The following DGKB variants were observed in gnomAD, a reference collection of about 807,000 sequenced individuals.
The protein encoded by DGKB is 90 kDa diacylglycerol kinase.
DGKB carries 67 observed loss-of-function variants against 114.3 expected under a neutral mutation model. The ratio of observed to expected loss-of-function variants is 0.59; its 90% CI spans 0.48 to 0.72. DGKB has a LOEUF of 0.72. Ranked by LOEUF, DGKB falls within the 30% of genes least tolerant of loss-of-function variation. The probability of loss-of-function intolerance (pLI) is 0.00; values close to 1 mark genes in which losing one functional copy is unlikely to be tolerated. For missense variants in DGKB, 907 were observed against 975.2 expected (o/e 0.93, Z 0.93); for synonymous variants, 398 against 323.1 (o/e 1.23, Z -2.49).
At chr7:14,235,049 T>C (rs1433827581) in intron 23 of DGKB, among the ~76,000 whole-genome samples, 1 of 152,056 alleles carries the variant, frequency 6.6e-6, no homozygotes, top group African/African-American at 2.4e-5. Context: ...TCTCTTCTTC[T>C]CCCTCTCAGA....
intron 23 of DGKB, among the ~76,000 whole-genome samples, chr7:14,255,817 C>T (rs902935203): frequency 6.6e-6 from 1 of 151,784 alleles, no homozygotes; most frequent in African/African-American, 2.4e-5. Flanking sequence ...ACTTTCTCAC[C>T]TTCCATTTCA....
At chr7:14,798,003 G>A (rs572301241) in intron 2 of DGKB, among the ~76,000 whole-genome samples, 9 of 152,282 alleles carry the variant, frequency 5.9e-5, no homozygotes, top group African/African-American at 1.7e-4. Flanking sequence ...GAGGGGACCC[G>A]AAATCAGGTT....
At position 14,596,504 on chromosome 7, in the gene DGKB, A is replaced by G. The variant is rs535440127; in HGVS notation, c.1433+10930T>C. Among the ~76,000 whole-genome samples, 3 of 152,268 alleles carry G rather than the reference A, an allele frequency of 2.0e-5. No individual in the cohort carries two copies. The South Asian group carries it at 6.2e-4, about 32-fold the overall frequency. The stretch of plus-strand genomic sequence containing the variant: ...CACTGAGCAATGGGGATATGCCTGG[A>G]AGTCATTTTTACACCAGGAGAACTA... On this transcript the variant is annotated intron_variant, in intron 17 of 25. Coordinates refer to ENST00000402815, the MANE Select transcript of DGKB (RefSeq NM_001350709.2).
chr7:14,406,578 C>G (rs1271665808), intron 21 of DGKB, among the ~76,000 whole-genome samples: 1 of 151,908 alleles, frequency 6.6e-6, no homozygotes, highest in Non-Finnish European at 1.5e-5. Context: ...AACCATAAAA[C>G]AATCATTGGT....
intron 21 of DGKB, among the ~76,000 whole-genome samples, chr7:14,395,059 A>C (rs567521010): frequency 3.3e-5 from 5 of 152,130 alleles, no homozygotes; most frequent in Non-Finnish European, 7.4e-5. Flanking sequence ...ACTCCTAATC[A>C]ACATATTATC....
At chr7:14,394,113 T>C (rs1349072650) in intron 21 of DGKB, among the ~76,000 whole-genome samples, 1 of 152,196 alleles carries the variant, frequency 6.6e-6, no homozygotes, top group African/African-American at 2.4e-5. Flanking sequence ...ATTAGGTCAT[T>C]TAGCTCCTTT....
intron 23 of DGKB, among the ~76,000 whole-genome samples, chr7:14,275,328 T>C (rs1798842586): frequency 6.6e-6 from 1 of 152,210 alleles, no homozygotes; most frequent in South Asian, 2.1e-4. Flanking sequence ...TAAAAAGTTT[T>C]TGTATGAATA....
chr7:14,182,098 C>T (rs1441597570), intron 23 of DGKB, among the ~76,000 whole-genome samples: 1 of 152,082 alleles, frequency 6.6e-6, no homozygotes, highest in Non-Finnish European at 1.5e-5. Context: ...GACTTTGTCA[C>T]TGATAAATAT....
chr7:14,335,744 T>A (rs1354867264), intron 23 of DGKB, among the ~76,000 whole-genome samples: 1 of 152,158 alleles, frequency 6.6e-6, no homozygotes, highest in Admixed American at 6.6e-5. Context: ...GTTGTGTTTT[T>A]GTTTTGTTTT....
chr7:14,923,894 C>T (rs1784624492), intron 1 of DGKB, among the ~76,000 whole-genome samples: 2 of 146,370 alleles, frequency 1.4e-5, no homozygotes, highest in Admixed American at 1.4e-4. Context: ...ACTTGGGAGG[C>T]TGAGGCAGGA....
At chr7:14,406,262 A>G (rs1031014898) in intron 21 of DGKB, among the ~76,000 whole-genome samples, 1 of 152,040 alleles carries the variant, frequency 6.6e-6, no homozygotes, top group Admixed American at 6.6e-5. Context: ...CAACACACCC[A>G]GTAGAAAGAG....
intron 20 of DGKB, among the ~76,000 whole-genome samples, chr7:14,538,356 C>A (rs117671913): frequency 2.6e-5 from 4 of 152,116 alleles, no homozygotes; most frequent in South Asian, 4.1e-4. Context: ...AAAAAAGATA[C>A]AATGATGCTC....
chr7:14,890,872 G>GAAA (rs71548099), intron 1 of DGKB, among the ~76,000 whole-genome samples: 1 of 143,102 alleles, frequency 7.0e-6, no homozygotes, highest in Non-Finnish European at 1.5e-5. Context: ...TGCCACAAAT[G>GAAA]AAAAAAAAAA....
rs1202999867 is a variant in DGKB at position 14,675,658 on chromosome 7, T to C, written c.1036-2631A>G. On this transcript the variant is annotated intron_variant, in intron 12 of 25. Coordinates refer to ENST00000402815, the MANE Select transcript of DGKB (RefSeq NM_001350709.2). Reference sequence around the variant, plus strand: ...TTGATTGCCGCTGTGGTCCTGAGTTTTGTCTAGGCGGTCGTAAGGCACTCC... The same window carrying C: ...TTGATTGCCGCTGTGGTCCTGAGTTCTGTCTAGGCGGTCGTAAGGCACTCC... Among the ~76,000 whole-genome samples the C allele has an allele frequency of 2.6e-5, 4 of 151,868 alleles. No individual in the cohort carries two copies. The East Asian group carries it at 7.7e-4, about 29-fold the overall frequency.
At chr7:14,225,693 T>C (rs940407504) in intron 23 of DGKB, among the ~76,000 whole-genome samples, 3 of 151,832 alleles carry the variant, frequency 2.0e-5, no homozygotes, top group African/African-American at 4.8e-5. Flanking sequence ...ATATAGACAA[T>C]CACAGGATAT....
At chr7:14,211,434 CGT>C (rs1181759524) in intron 23 of DGKB, among the ~76,000 whole-genome samples, 2 of 70,644 alleles carry the variant, frequency 2.8e-5, no homozygotes, top group Non-Finnish European at 4.9e-5. Context: ...ATTTTACTCT[CGT>C]GTTTTGTGAT....
At chr7:14,654,879 C>A (rs1304306611) in intron 13 of DGKB, among the ~76,000 whole-genome samples, 1 of 151,706 alleles carries the variant, frequency 6.6e-6, no homozygotes, top group Non-Finnish European at 1.5e-5. Context: ...AAAATTGACA[C>A]AAAATATATT....
chr7:14,509,386 C>T (rs1000215749), intron 20 of DGKB, among the ~76,000 whole-genome samples: 1 of 152,228 alleles, frequency 6.6e-6, no homozygotes, highest in Admixed American at 6.5e-5. Context: ...CACTCAGCGG[C>T]ATGCCACAGG....
intron 2 of DGKB, among the ~76,000 whole-genome samples, chr7:14,764,038 C>T (rs896409582): frequency 1.3e-5 from 2 of 151,824 alleles, no homozygotes; most frequent in African/African-American, 4.8e-5. Context: ...TCTAAGCCTC[C>T]CCACATAGCT....
Sources: gnomAD v4.1 joint callset for allele counts (sites outside exome capture counted in the v4.1 genomes callset) on GRCh38, gnomAD v4.1.1 for gene constraint, MANE v1.5 for transcripts, NCBI Gene and HGNC (gene_info 2026-07-23, HGNC 2026-07-21) for gene names.